GCN1: variants seen among roughly 807,000 people sequenced by gnomAD.
The protein encoded by GCN1 is GCN1 activator of EIF2AK4, also known as stalled ribosome sensor GCN1.
A neutral mutation model predicts 288.4 loss-of-function variants in GCN1; 90 were observed. The observed-to-expected ratio is 0.31, with a 90% CI of 0.26 to 0.37. GCN1 has a LOEUF of 0.37. GCN1 is among the 10% of genes least tolerant of loss of function. The pLI is 1.00. For missense variants in GCN1, 2,586 were observed against 3,419.9 expected (o/e 0.76, Z 6.08); for synonymous variants, 1,386 against 1,420.2 (o/e 0.98, Z 0.54).
chr12:120,128,611 A>G (rs1170677604), intron 57 of GCN1, among the ~76,000 whole-genome samples: 1 of 152,002 alleles, frequency 6.6e-6, no homozygotes, highest in African/African-American at 2.4e-5. Context: ...TGCTGAGATT[A>G]CAGGCGTGAG....
rs1408462628 is a variant in GCN1, at chr12:120,162,018, G to A, written c.2204C>T (p.Pro735Leu). The A allele has an allele frequency of 5.0e-6, 8 of 1,613,630 alleles. No individual in the cohort carries two copies. Among genetic ancestry groups the A allele is most frequent in the Non-Finnish European group, 5.1e-6 (6 of 1,180,028 alleles). Residue 735 changes from proline to leucine, a missense_variant, in exon 21 of 58, where the codon CCG becomes CTG. Pro to Leu is a moderately conservative substitution (Grantham distance 98, BLOSUM62 -3). Around this residue, in one of 8 missense-constraint regions of GCN1, gnomAD observed 913 missense variants for 1,107.0 expected, o/e 0.82. Transcript: ENST00000300648. ...NAMGSLSVLS[P>L]DRVLPQLIST... ...GATGAGCTGTGGGAGGACCCGGTCC[G>A]GCGACAGGACGGAAAGGGAGCCCAT...
At chr12:120,191,542 C>T (rs2136120972) in intron 1 of GCN1, among the ~76,000 whole-genome samples, 1 of 152,212 alleles carries the variant, frequency 6.6e-6, no homozygotes, top group South Asian at 2.1e-4. Context: ...CAAAGGCAGG[C>T]CTTATCAGTA....
In GCN1 at chr12:120,140,226, T is replaced by C. The variant is rs1379703000; in HGVS notation, c.5994+633A>G. ...CATTTCTAGCGGGCCATCCACTTAA[T>C]TGCTTTGGCGTTTTCATCCAAACAC... is the stretch of plus-strand genomic sequence containing the variant. On this transcript the variant is annotated intron_variant, in intron 45 of 57. Transcript: ENST00000300648. 3.9e-5 allele frequency among the ~76,000 whole-genome samples: 6 copies of C among 152,314 alleles called. No homozygotes were observed. The East Asian group carries it at 7.7e-4, about 20-fold the overall frequency.
In GCN1 at chr12:120,156,404, T is replaced by C; in HGVS notation, c.3312+57A>G. 1 of 1,550,812 alleles carries C rather than the reference T, an allele frequency of 6.4e-7. No homozygotes were observed. The highest frequency in any genetic ancestry group is 8.9e-7 in the Non-Finnish European group (1 of 1,129,544). ...TTCTCTCAAATGCCCATCATGCAAT[T>C]TGCACTTGCATAGAGTGACAAGGGA... On this transcript the variant is annotated intron_variant, in intron 28 of 57. Coordinates refer to ENST00000300648, the MANE Select transcript of GCN1 (RefSeq NM_006836.2). This position sits in a 1 kb window ranked among gnomAD's most constrained non-coding sequence, Gnocchi z 5.8.
At chr12:120,164,546 T>C (rs1594277455) in intron 17 of GCN1, 51 bp from the exon 18 acceptor site, 1 of 1,604,904 alleles carries the variant, frequency 6.2e-7, no homozygotes, top group Non-Finnish European at 8.5e-7. Context: ...AGCAGGGCTT[T>C]CCACAGCCAA....
Position 120,145,268 on chromosome 12 carries a change from C to T in GCN1, c.5010G>A (p.Val1670=), listed in dbSNP as rs373250541. The T allele has an allele frequency of 6.3e-7, 1 of 1,599,458 alleles. No individual in the cohort carries two copies. Among genetic ancestry groups the T allele is most frequent in the Admixed American group, 1.7e-5 (1 of 57,708 alleles). ...CAGCCTACCTCAGACTCACCTCAGG[C>T]ACAGGGTCCAAAAGCGATGCTTTCA... ...PGLKASLLDP[V]PEVRTVSAKA... Residue 1670 remains valine, a synonymous_variant, in exon 39 of 58, where the codon GTG becomes GTA. Transcript: ENST00000300648.
chr12:120,168,327 G>A (rs372181975), intron 15 of GCN1, 27 bp from the exon 16 acceptor site: 69 of 1,330,432 alleles, frequency 5.2e-5, no homozygotes, highest in African/African-American at 2.2e-4. Context: ...GTTACCCCAC[G>A]ACGCAGCTCA....
intron 34 of GCN1, among the ~76,000 whole-genome samples, chr12:120,150,712 CA>C (rs1877517041): frequency 6.6e-6 from 1 of 151,942 alleles, no homozygotes; most frequent in Admixed American, 6.5e-5. Flanking sequence ...CTGAGGCGGA[CA>C]GATCACGAGG....
At position 120,184,145 on chromosome 12, in the gene GCN1, G is replaced by T. The variant is rs755969671; in HGVS notation, c.284C>A (p.Ser95Tyr). 1 of 1,613,676 alleles carries T rather than the reference G, an allele frequency of 6.2e-7. No homozygotes were observed. Among genetic ancestry groups the T allele is most frequent in the Non-Finnish European group, 8.5e-7 (1 of 1,179,762 alleles). ...ACCTGCTTTGGAGCCTATACCAGAA[G>T]ACTGCAGAGAGTGTAGAAGGTTCTT... ...TAKNLLHSLQ[S>Y]SGIGSKAGVP... is the part of the protein sequence containing the mutation. Residue 95 changes from serine (S) to tyrosine (Y), a missense_variant, in exon 4 of 58, where the codon TCT becomes TAT. By Grantham distance (144) the Ser-to-Tyr change is moderately radical (BLOSUM62 -2). Around this residue, in one of 8 missense-constraint regions of GCN1, gnomAD observed 913 missense variants for 1,107.0 expected, o/e 0.82. Coordinates refer to ENST00000300648, the MANE Select transcript of GCN1 (RefSeq NM_006836.2).
rs1315029077 is a variant in GCN1 at position 120,164,669 on chromosome 12, A to G, written c.1665T>C (p.His555=). 6.2e-7 allele frequency: 1 copy of G among 1,613,836 alleles called. No individual in the cohort carries two copies. Among genetic ancestry groups the G allele is most frequent in the Non-Finnish European group, 8.5e-7 (1 of 1,179,728 alleles). ...ACTGAACTTTGTTGCCAGTGAGTCT[A>G]TGCGGGTGGTCAAGGAAAAGTCTCT... The part of the protein sequence containing the change: ...LTERLFLDHP[H]RLTGNKVQQY... The change falls in exon 17 of 58, where the codon CAT becomes CAC. Residue 555 remains histidine, a synonymous_variant. Coordinates refer to ENST00000300648, the MANE Select transcript of GCN1 (RefSeq NM_006836.2).
Position 120,163,159 on chromosome 12 carries a change from A to G in GCN1, c.1949T>C (p.Ile650Thr), listed in dbSNP as rs1877986164. 1 of 1,614,056 alleles carries G rather than the reference A, an allele frequency of 6.2e-7. No homozygotes were observed. The highest frequency in any genetic ancestry group is 8.5e-7 in the Non-Finnish European group (1 of 1,180,038). Reference protein sequence around the residue: ...PRVLQEALCVISGVPGLKGDV... With the variant: ...PRVLQEALCVTSGVPGLKGDV... ...ACCCTTGAGCCCTGGCACACCGGAG[A>G]TGACACACAGAGCCTCCTGCAGGAC... The change falls in exon 19 of 58, where the codon ATC becomes ACC. Residue 650 changes from isoleucine to threonine, a missense_variant. Ile to Thr is a moderately conservative substitution (Grantham distance 89). This residue lies in a region of GCN1 where 913 missense variants were observed against 1,107.0 expected (regional missense o/e 0.82). Coordinates refer to ENST00000300648, the MANE Select transcript of GCN1 (RefSeq NM_006836.2).
intron 57 of GCN1, 132 bp downstream of exon 57, chr12:120,129,144 T>A: frequency 1.3e-6 from 1 of 791,572 alleles, no homozygotes; most frequent in Non-Finnish European, 2.1e-6. Context: ...CACCCAAATC[T>A]TAATCTGCTC....
In GCN1 at chr12:120,142,052, C is replaced by T. The variant is rs550286858; in HGVS notation, c.5829+455G>A. ...CTAATAAATATTTGCAGAGGCCAGG[C>T]GTGGTGGCTCAAGCCTGTAATCCCA... is the stretch of plus-strand genomic sequence containing the variant. On this transcript the variant is annotated intron_variant, in intron 44 of 57. Transcript: ENST00000300648. The surrounding 1 kb of genome is among the most constrained non-coding windows in gnomAD (Gnocchi z 4.9). Among the ~76,000 whole-genome samples the T allele has an allele frequency of 9.2e-5, 14 of 152,266 alleles. No individual in the cohort carries two copies. The highest frequency in any genetic ancestry group is 4.1e-4 in the South Asian group (2 of 4,826).
chr12:120,185,561 C>T lies in GCN1; in HGVS notation c.122-674G>A, dbSNP rs1186194724. Among the ~76,000 whole-genome samples, 9 of 152,214 alleles carry T rather than the reference C, an allele frequency of 5.9e-5. No homozygotes were observed. The East Asian group carries it at 1.3e-3, about 23-fold the overall frequency. ...GCTCTAGATCATTCATACACATTCA[C>T]TCATTTAATCCATGTAAGGTGGGCA... is the stretch of plus-strand genomic sequence containing the variant. On this transcript the variant is annotated intron_variant, in intron 2 of 57. Coordinates refer to ENST00000300648, the MANE Select transcript of GCN1 (RefSeq NM_006836.2).
Position 120,127,624 on chromosome 12 carries a change from G to T in GCN1, c.*225C>A. 1.9e-6 allele frequency: 1 copy of T among 527,884 alleles called. No individual in the cohort carries two copies. 32.7% of individuals were successfully genotyped at this position (527,884 alleles called of 1,614,324 possible). Reference sequence around the variant, plus strand: ...TGGGCTGCCATTTGCTGAGGCGCATGCGTGTGCTTTTCCTTCTCTTCTCCA... The same window carrying T: ...TGGGCTGCCATTTGCTGAGGCGCATTCGTGTGCTTTTCCTTCTCTTCTCCA... On this transcript the variant is annotated 3_prime_UTR_variant, in exon 58 of 58. Coordinates refer to ENST00000300648, the MANE Select transcript of GCN1 (RefSeq NM_006836.2).
chr12:120,174,023 G>A, intron 13 of GCN1, 48 bp downstream of exon 13: 2 of 1,233,386 alleles, frequency 1.6e-6, no homozygotes, highest in Non-Finnish European at 1.2e-6. Context: ...AAAAACCACG[G>A]TCAAGGATGA....
rs775084244 is a variant in GCN1 at position 120,149,605 on chromosome 12, C to A, written c.4546+1G>T. ...AAGAGAGGCAGAGCGAGTGGTCTTA[C>A]CAGCTTTGGTCCGCCACGATTCCTC... On this transcript the variant is annotated splice_donor_variant, in intron 36 of 57. Transcript: ENST00000300648. LOFTEE classifies it high-confidence loss of function. The A allele has an allele frequency of 5.0e-6, 8 of 1,607,342 alleles. No individual in the cohort carries two copies.
chr12:120,158,077 C>G lies in GCN1; in HGVS notation c.2906-47G>C. The G allele has an allele frequency of 6.4e-7, 1 of 1,573,786 alleles. No individual in the cohort carries two copies. Among genetic ancestry groups the G allele is most frequent in the East Asian group, 2.2e-5 (1 of 44,616 alleles). On this transcript the variant is annotated intron_variant, in intron 25 of 57. Transcript: ENST00000300648. The surrounding 1 kb of genome is among the most constrained non-coding windows in gnomAD (Gnocchi z 4.3). ...AAGATTCTGCAGGCAGGGCAGGGAC[C>G]CGGGCCACTGCTGCCTATTTCTATC...
chr12:120,156,548 G>A lies in GCN1; in HGVS notation c.3225C>T (p.Gly1075=), dbSNP rs748962192. 1.9e-6 allele frequency: 3 copies of A among 1,613,936 alleles called. No individual in the cohort carries two copies. The highest frequency in any genetic ancestry group is 2.5e-6 in the Non-Finnish European group (3 of 1,179,864). Residue 1075 remains glycine, a synonymous_variant, in exon 28 of 58, where the codon GGC becomes GGT. Transcript: ENST00000300648. The surrounding 1 kb of genome is among the most constrained non-coding windows in gnomAD (Gnocchi z 5.8). ...CCTCCTCCTGCTCTGCAAAGGCACA[G>A]CCATCATCACCACTGCTGCTGGCAC... ...TLCASSSGDD[G]CAFAEQEEVD...
Sources: allele counts gnomAD v4.1 joint callset (sites outside exome capture counted in the v4.1 genomes callset), GRCh38; gene constraint gnomAD v4.1.1; regional missense constraint gnomAD v4.1.1; non-coding constraint Gnocchi (gnomAD v3.1); transcripts MANE v1.5; gene names NCBI Gene and HGNC (gene_info 2026-07-23, HGNC 2026-07-21).